The following NLRC4 variants were observed in gnomAD, a reference collection of about 807,000 sequenced individuals.
NLRC4 encodes the protein NLR family CARD domain-containing protein 4.
NLRC4 carries 63 observed loss-of-function variants against 79.9 expected under a neutral mutation model. The ratio of observed to expected loss-of-function variants is 0.79; its 90% CI spans 0.64 to 0.97. NLRC4 has a LOEUF of 0.97. Ranked by LOEUF, NLRC4 falls within the 50% of genes least tolerant of loss-of-function variation. NLRC4 has a pLI of 0.00. For missense variants in NLRC4, 1,074 were observed against 1,215.2 expected (o/e 0.88, Z 1.73); for synonymous variants, 461 against 456.5 (o/e 1.01, Z -0.12).
At chr2:32,247,738 C>G (rs1686971045) in intron 4 of NLRC4, among the ~76,000 whole-genome samples, 1 of 152,086 alleles carries the variant, frequency 6.6e-6, no homozygotes, top group African/African-American at 2.4e-5. Context: ...CCCAATCTAA[C>G]AGCTTTCCCC....
chr2:32,250,793 G>T lies in NLRC4; in HGVS notation c.1071C>A (p.His357Gln). 6.2e-7 allele frequency: 1 copy of T among 1,614,202 alleles called. No individual in the cohort carries two copies. Among genetic ancestry groups the T allele is most frequent in the Non-Finnish European group, 8.5e-7 (1 of 1,180,012 alleles). Reference sequence around the variant, plus strand: ...AGGTATGGAACAGCGTTGTTTGTGTGTGAGAGTGGAACTCACTTTCACCCA... The same window carrying T: ...AGGTATGGAACAGCGTTGTTTGTGTTTGAGAGTGGAACTCACTTTCACCCA... ...IQMGESEFHS[H>Q]TQTTLFHTFY... Residue 357 changes from histidine (H) to glutamine (Q), a missense_variant, in exon 4 of 9, where the codon CAC (histidine) becomes CAA (glutamine). Physicochemically the swap from His to Gln is conservative, Grantham distance 24. Coordinates refer to ENST00000402280, the MANE Select transcript of NLRC4 (RefSeq NM_001199138.2). The surrounding 1 kb of genome is among the most constrained non-coding windows in gnomAD (Gnocchi z 4.9).
chr2:32,231,458 A>G (rs1257218316), intron 8 of NLRC4, among the ~76,000 whole-genome samples: 1 of 150,040 alleles, frequency 6.7e-6, no homozygotes, highest in Non-Finnish European at 1.5e-5. Flanking sequence ...CCCGGCCATA[A>G]GAGTTTTTTT....
At chr2:32,226,499 C>G (rs1225158084) in intron 8 of NLRC4, among the ~76,000 whole-genome samples, 5 of 152,232 alleles carry the variant, frequency 3.3e-5, no homozygotes, top group African/African-American at 9.6e-5. Context: ...GGAGATGATT[C>G]ACAGGGTTCT....
chr2:32,238,065 A>G, intron 6 of NLRC4, 67 bp downstream of exon 6: 2 of 1,124,968 alleles, frequency 1.8e-6, no homozygotes, highest in Non-Finnish European at 2.5e-6. Flanking sequence ...ATTTAGTGTG[A>G]ATTAGTATAA....
chr2:32,235,652 TTA>T, intron 7 of NLRC4, 84 bp from the exon 8 acceptor site: 1 of 1,158,860 alleles, frequency 8.6e-7, no homozygotes, highest in South Asian at 1.4e-5. Flanking sequence ...GGAATGATCT[TTA>T]TGTTTGGTGG....
rs538698044 is a variant in NLRC4, at chr2:32,252,533, C to A, written c.148G>T (p.Ala50Ser). Residue 50 changes from alanine (A) to serine (S), a missense_variant, in exon 3 of 9, where the codon GCT becomes TCT. Physicochemically the swap from Ala to Ser is moderately conservative, Grantham distance 99 (BLOSUM62 1). Transcript: ENST00000402280. Reference protein sequence around the residue: ...IICCEKVEQDAARGIIHMILK... With the variant: ...IICCEKVEQDSARGIIHMILK... ...ATCATGTGAATGATCCCTCTAGCAGCATCCTGCTCCACCTTCTCGCAGCAA... is the reference window on the plus strand; with the variant it reads ...ATCATGTGAATGATCCCTCTAGCAGAATCCTGCTCCACCTTCTCGCAGCAA... 3.1e-6 allele frequency: 5 copies of A among 1,614,168 alleles called. No individual in the cohort carries two copies. The South Asian group carries it at 5.5e-5, about 18-fold the overall frequency.
chr2:32,224,875 T>A, intron 8 of NLRC4, 110 bp from the exon 9 acceptor site: 1 of 637,712 alleles, frequency 1.6e-6, no homozygotes, highest in Non-Finnish European at 2.6e-6. Context: ...GAAATGGCCA[T>A]GTTTGAACCA....
intron 4 of NLRC4, among the ~76,000 whole-genome samples, chr2:32,242,794 C>T (rs1281664688): frequency 6.6e-6 from 1 of 152,172 alleles, no homozygotes; most frequent in African/African-American, 2.4e-5. Context: ...CTCCTATAAT[C>T]CCCGTGCTTT....
At position 32,235,472 on chromosome 2, in the gene NLRC4, T is replaced by C. The variant is rs1422238295; in HGVS notation, c.2711A>G (p.Glu904Gly). 6.2e-7 allele frequency: 1 copy of C among 1,614,148 alleles called. No individual in the cohort carries two copies. Among genetic ancestry groups the C allele is most frequent in the Non-Finnish European group, 8.5e-7 (1 of 1,179,982 alleles). ...AAGCTTGACGAGTTGTGGGACCTCC[T>C]CCAAATGTTTCAACAGGCTGCTCAG... The part of the protein sequence containing the change: ...GSLSSLLKHL[E>G]EVPQLVKLGL... Residue 904 changes from glutamate to glycine, a missense_variant, in exon 8 of 9, where the codon GAG becomes GGG. Coordinates refer to ENST00000402280, the MANE Select transcript of NLRC4 (RefSeq NM_001199138.2).
intron 2 of NLRC4, among the ~76,000 whole-genome samples, chr2:32,255,337 A>G (rs1309556569): frequency 2.6e-5 from 4 of 151,910 alleles, no homozygotes; most frequent in African/African-American, 9.7e-5. Context: ...CCTGACCAAC[A>G]TGGAGAAACC....
chr2:32,231,752 G>A (rs1686544305), intron 8 of NLRC4, among the ~76,000 whole-genome samples: 2 of 151,500 alleles, frequency 1.3e-5, no homozygotes, highest in South Asian at 4.2e-4. Context: ...TGGAGATTGA[G>A]TTTTGCCATG....
intron 1 of NLRC4, among the ~76,000 whole-genome samples, chr2:32,257,846 T>G (rs1687244922): frequency 1.3e-5 from 2 of 151,970 alleles, no homozygotes; most frequent in Non-Finnish European, 2.9e-5. Flanking sequence ...GCTGTGGGGT[T>G]CCAATCCCAC....
chr2:32,239,419 T>G lies in NLRC4; in HGVS notation c.2351-1117A>C, dbSNP rs193202595. 7.9e-5 allele frequency among the ~76,000 whole-genome samples: 12 copies of G among 152,348 alleles called. No homozygotes were observed. In the East Asian group the frequency reaches 2.1e-3, roughly 27 times the overall value. On this transcript the variant is annotated intron_variant, in intron 5 of 8. Coordinates refer to ENST00000402280, the MANE Select transcript of NLRC4 (RefSeq NM_001199138.2). Reference sequence around the variant, plus strand: ...CACATAGTAAGTGCTCCATAAATGTTCATTGTTGTCATGGGAGTATATACC... The same window carrying G: ...CACATAGTAAGTGCTCCATAAATGTGCATTGTTGTCATGGGAGTATATACC...
intron 6 of NLRC4, 47 bp from the exon 7 acceptor site, chr2:32,236,386 T>C: frequency 9.1e-6 from 11 of 1,207,062 alleles, no homozygotes; most frequent in Non-Finnish European, 1.3e-5. Flanking sequence ...CAGGTAAATA[T>C]AAATGTATTT....
intron 2 of NLRC4, among the ~76,000 whole-genome samples, chr2:32,255,273 C>T (rs1687179140): frequency 1.3e-5 from 2 of 152,078 alleles, no homozygotes; most frequent in Non-Finnish European, 2.9e-5. Context: ...GTAATCCCAG[C>T]ACTTTGGAAG....
chr2:32,230,468 G>T (rs1342158805), intron 8 of NLRC4, among the ~76,000 whole-genome samples: 2 of 138,434 alleles, frequency 1.4e-5, no homozygotes, highest in African/African-American at 5.5e-5. Context: ...CCCAGCCCCC[G>T]CTATTTTTTT....
chr2:32,245,355 G>A (rs575164412), intron 4 of NLRC4, among the ~76,000 whole-genome samples: 231 of 148,996 alleles, frequency 1.6e-3, no homozygotes, highest in Non-Finnish European at 2.2e-3. Flanking sequence ...AGGTCATTAT[G>A]GTAAGTGAAA....
At chr2:32,260,651 T>C (rs557297847) in intron 1 of NLRC4, among the ~76,000 whole-genome samples, 30 of 152,280 alleles carry the variant, frequency 2.0e-4, no homozygotes, top group African/African-American at 7.0e-4. Context: ...GCTGTGCCCA[T>C]AGAAAAAAGC....
At chr2:32,235,815 A>G (rs919178717) in intron 7 of NLRC4, among the ~76,000 whole-genome samples, 4 of 152,206 alleles carry the variant, frequency 2.6e-5, no homozygotes, top group Non-Finnish European at 5.9e-5. Flanking sequence ...ATCATGGGCA[A>G]TCTTGCTTAA....
Sources: gnomAD v4.1 joint callset for allele counts (sites outside exome capture counted in the v4.1 genomes callset) on GRCh38, gnomAD v4.1.1 for gene constraint, Gnocchi (gnomAD v3.1) non-coding constraint, MANE v1.5 for transcripts, NCBI Gene and HGNC (gene_info 2026-07-23, HGNC 2026-07-21) for gene names.